Variants in LGR4 observed in about 807,000 individuals in gnomAD.
LGR4 encodes leucine rich repeat containing G protein-coupled receptor 4, also known as leucine-rich repeat-containing G protein-coupled receptor 4.
LGR4 carries 44 observed loss-of-function variants against 84.8 expected under a neutral mutation model. The ratio of observed to expected loss-of-function variants is 0.52; its 90% confidence interval spans 0.41 to 0.67. The LOEUF is 0.67. Among genes scored for constraint, LGR4 ranks in the 30% least tolerant of loss-of-function variants. LGR4 has a pLI of 0.00. For missense variants in LGR4, 1,032 were observed against 1,131.4 expected (o/e 0.91, Z 1.26); for synonymous variants, 429 against 434.3 (o/e 0.99, Z 0.15).
chr11:27,423,152 C>A (rs1308665805), intron 1 of LGR4, among the ~76,000 whole-genome samples: 1 of 152,168 alleles, frequency 6.6e-6, no homozygotes, highest in African/African-American at 2.4e-5. Context: ...CTAATGCCCC[C>A]AGTCTGAAAG....
intron 1 of LGR4, among the ~76,000 whole-genome samples, chr11:27,416,811 C>A (rs556420251): frequency 6.6e-6 from 1 of 152,260 alleles, no homozygotes; most frequent in African/African-American, 2.4e-5. Context: ...TTAAAGGGTG[C>A]AACTGTTTAA....
chr11:27,448,296 T>C (rs1462710256), intron 1 of LGR4, among the ~76,000 whole-genome samples: 2 of 53,922 alleles, frequency 3.7e-5, no homozygotes, highest in African/African-American at 6.9e-5. Context: ...TTTTCTTTTC[T>C]TTTTTTTTTT....
At chr11:27,423,974 G>A (rs139341866) in intron 1 of LGR4, among the ~76,000 whole-genome samples, 103 of 152,090 alleles carry the variant, frequency 6.8e-4, no homozygotes, top group African/African-American at 1.9e-3. Flanking sequence ...TAAATTTCAC[G>A]GCAGAACATA....
intron 1 of LGR4, among the ~76,000 whole-genome samples, chr11:27,439,867 G>T (rs1184767710): frequency 1.4e-5 from 2 of 145,684 alleles, no homozygotes; most frequent in African/African-American, 5.1e-5. Context: ...AATATGAATT[G>T]TCACTCTCTG....
chr11:27,431,968 T>C (rs1040791546), intron 1 of LGR4, among the ~76,000 whole-genome samples: 9 of 152,200 alleles, frequency 5.9e-5, no homozygotes, highest in African/African-American at 2.2e-4. Context: ...ATGTAAAGTG[T>C]TTGGATCATG....
At chr11:27,449,295 A>G (rs1229556111) in intron 1 of LGR4, among the ~76,000 whole-genome samples, 1 of 152,214 alleles carries the variant, frequency 6.6e-6, no homozygotes, top group East Asian at 1.9e-4. Flanking sequence ...CATTTTGTCA[A>G]ATGTCAGCCA....
At chr11:27,377,524 G>C (rs2472627) in intron 11 of LGR4, among the ~76,000 whole-genome samples, 1 of 151,416 alleles carries the variant, frequency 6.6e-6, no homozygotes. Context: ...AAATTAAATA[G>C]GCAAATATAG....
At chr11:27,410,439 A>AC (rs1863688091) in intron 2 of LGR4, among the ~76,000 whole-genome samples, 2 of 152,010 alleles carry the variant, frequency 1.3e-5, no homozygotes, top group South Asian at 4.2e-4. Flanking sequence ...ACATGGAAAA[A>AC]CCCTCAGCAA....
At chr11:27,453,379 T>C (rs1468521101) in intron 1 of LGR4, among the ~76,000 whole-genome samples, 2 of 152,242 alleles carry the variant, frequency 1.3e-5, no homozygotes, top group Admixed American at 1.3e-4. Context: ...GAGGAACTTT[T>C]TAAATTTTGT....
intron 10 of LGR4, 137 bp downstream of exon 10, chr11:27,380,134 C>A: frequency 1.9e-6 from 1 of 533,894 alleles, no homozygotes; most frequent in Non-Finnish European, 3.4e-6. Context: ...ATATATTCTT[C>A]TCCATGCATG....
intron 1 of LGR4, among the ~76,000 whole-genome samples, chr11:27,450,813 C>G (rs891487958): frequency 3.3e-5 from 5 of 152,070 alleles, no homozygotes; most frequent in African/African-American, 1.2e-4. Flanking sequence ...GAAAATTGTG[C>G]TCTCACATCC....
intron 1 of LGR4, among the ~76,000 whole-genome samples, chr11:27,459,889 G>A (rs912960550): frequency 2.6e-5 from 4 of 151,296 alleles, no homozygotes; most frequent in Non-Finnish European, 4.4e-5. Context: ...TCAGGAGTTC[G>A]AGACCAGCGG....
chr11:27,372,353 A>G lies in LGR4; in HGVS notation c.1425T>C (p.Gly475=), dbSNP rs1006958416. 3.7e-6 allele frequency: 6 copies of G among 1,613,782 alleles called. No individual in the cohort carries two copies. Among genetic ancestry groups the G allele is most frequent in the Non-Finnish European group, 4.2e-6 (5 of 1,179,696 alleles). Residue 475 remains glycine, a synonymous_variant, in exon 16 of 18, where the codon GGT becomes GGC. Transcript: ENST00000379214. ...TGTTTAAATTTGCATAAGAGTCACA[A>G]CCCCAAAATGCACAGCACTGATAAG... ...PYAYQCCAFW[G]CDSYANLNTE... is the part of the protein sequence containing the mutation.
At chr11:27,382,102 C>G in intron 7 of LGR4, 86 bp downstream of exon 7, 2 of 876,774 alleles carry the variant, frequency 2.3e-6, no homozygotes, top group Non-Finnish European at 3.8e-6. Context: ...CGTAATGGAA[C>G]AAGATGTTCT....
intron 1 of LGR4, among the ~76,000 whole-genome samples, chr11:27,419,410 A>G (rs1033089500): frequency 2.6e-5 from 4 of 151,866 alleles, no homozygotes; most frequent in Admixed American, 1.3e-4. Flanking sequence ...GCAGCTGACA[A>G]TACCAAGTAC....
intron 2 of LGR4, among the ~76,000 whole-genome samples, chr11:27,403,228 T>C (rs1863537871): frequency 6.6e-6 from 1 of 152,188 alleles, no homozygotes; most frequent in Non-Finnish European, 1.5e-5. Context: ...CCCAATACTT[T>C]GGGAGGCCAA....
rs559583578 is a variant in LGR4 at position 27,385,387 on chromosome 11, A to G, written c.483T>C (p.Asp161=). The change falls in exon 5 of 18, where the codon GAT becomes GAC. Residue 161 remains aspartate (D), a synonymous_variant. Transcript: ENST00000379214. ...GLVQLRHLWL[D]DNSLTEVPVH... is the part of the protein sequence containing the mutation. ...CAGGCACCTCCGTCAAGCTGTTGTC[A>G]TCCAGCCACAGATGCCGTAACTGAA... 6.2e-7 allele frequency: 1 copy of G among 1,612,752 alleles called. No homozygotes were observed. The highest frequency in any genetic ancestry group is 1.1e-5 in the South Asian group (1 of 90,500).
intron 1 of LGR4, among the ~76,000 whole-genome samples, chr11:27,440,153 G>A (rs1325009469): frequency 2.6e-5 from 4 of 152,014 alleles, no homozygotes; most frequent in Non-Finnish European, 4.4e-5. Flanking sequence ...TGATCTGCCC[G>A]CCTCGGCCTC....
chr11:27,442,733 G>T (rs1864324361), intron 1 of LGR4, among the ~76,000 whole-genome samples: 1 of 152,176 alleles, frequency 6.6e-6, no homozygotes, highest in Non-Finnish European at 1.5e-5. Context: ...CAAGAGCTGT[G>T]TTGGTTCTAT....
Sources: gnomAD v4.1 joint callset for allele counts (sites outside exome capture counted in the v4.1 genomes callset) on GRCh38, gnomAD v4.1.1 for gene constraint, MANE v1.5 for transcripts, NCBI Gene and HGNC (gene_info 2026-07-23, HGNC 2026-07-21) for gene names.